The following MAP3K7 variants were observed in gnomAD, a reference collection of about 807,000 sequenced individuals.
MAP3K7 encodes the protein TGF-beta activated kinase 1.
Under a neutral mutation model 84.8 loss-of-function variants are expected in MAP3K7, and 21 were observed. The observed-to-expected ratio is 0.25, with a 90% confidence interval of 0.18 to 0.36. The LOEUF (loss-of-function observed/expected upper bound fraction) is 0.36. Ranked by LOEUF, MAP3K7 falls within the 10% of genes least tolerant of loss-of-function variation. The pLI is 1.00. For synonymous variants in MAP3K7, 241 were observed against 247.7 expected, an observed-to-expected ratio of 0.97 and a Z score of 0.25; for missense variants, 503 against 747.7, an observed-to-expected ratio of 0.67 and a Z score of 3.82.
intron 3 of MAP3K7, among the ~76,000 whole-genome samples, chr6:90,568,181 T>G (rs1181421747): frequency 6.6e-6 from 1 of 152,292 alleles, no homozygotes; most frequent in African/African-American, 2.4e-5. Context: ...ACCTGCACGT[T>G]GTGCACATGT....
intron 9 of MAP3K7, among the ~76,000 whole-genome samples, chr6:90,549,760 C>T (rs1314415308): frequency 6.6e-6 from 1 of 152,062 alleles, no homozygotes; most frequent in Non-Finnish European, 1.5e-5. Context: ...TTCAGTAAAA[C>T]TGGAATTTGA....
At position 90,549,287 on chromosome 6, in the gene MAP3K7, G is replaced by A. The variant is rs561033262; in HGVS notation, c.950-1110C>T. Among the ~76,000 whole-genome samples the A allele has an allele frequency of 1.1e-3, 172 of 152,242 alleles. 3 individuals are homozygous for A. The South Asian group carries it at 0.035, about 31-fold the overall frequency. ...CAAGATCAGCTGAGAGTGAGGAGTG[G>A]CGAGGAGGTGTTTGAAGTCTGAGGA... On this transcript the variant is annotated intron_variant, in intron 9 of 16. Transcript: ENST00000369329.
intron 1 of MAP3K7, among the ~76,000 whole-genome samples, chr6:90,585,170 T>A (rs1582254139): frequency 1.3e-5 from 2 of 152,318 alleles, no homozygotes; most frequent in East Asian, 3.9e-4. Context: ...TCAAAGGGGT[T>A]AGGAAACTTG....
intron 14 of MAP3K7, 95 bp downstream of exon 14, chr6:90,523,583 T>C: frequency 1.3e-6 from 1 of 748,976 alleles, no homozygotes; most frequent in East Asian, 2.6e-5. Context: ...AACAGTATAA[T>C]GCCTGCCTTT....
intron 2 of MAP3K7, 39 bp downstream of exon 2, chr6:90,571,658 A>C (rs1199081129): frequency 2.5e-6 from 3 of 1,196,746 alleles, no homozygotes; most frequent in African/African-American, 1.6e-5. Flanking sequence ...GAGTATCTTA[A>C]GTGCAGAACT....
chr6:90,565,910 T>A (rs552130450), intron 3 of MAP3K7, among the ~76,000 whole-genome samples: 25 of 152,272 alleles, frequency 1.6e-4, no homozygotes, highest in Admixed American at 1.6e-3. Flanking sequence ...TGGTTCAACA[T>A]ACACATATCA....
chr6:90,556,618 C>A lies in MAP3K7; in HGVS notation c.489G>T (p.Leu163=). 6.3e-7 allele frequency: 1 copy of A among 1,577,298 alleles called. No homozygotes were observed. Among genetic ancestry groups the A allele is most frequent in the Non-Finnish European group, 8.6e-7 (1 of 1,168,508 alleles). ...IHRDLKPPNL[L]LVAGGTVLKI... is the part of the protein sequence containing the mutation. ...TTAGAACTGTCCCCCCTGCAACCAG[C>A]AGTAAGCTGTTTAAAAAAAAACAAA... Residue 163 remains leucine, a synonymous_variant, in exon 6 of 17, where the codon CTG becomes CTT. Transcript: ENST00000369329.
Position 90,516,384 on chromosome 6 carries a change from G to A in MAP3K7, c.*117C>T. ...GAAAAAAATGCAGCAAATATAGGCA[G>A]TTGGCATTCAGAACACGCCAAAAAG... is the stretch of plus-strand genomic sequence containing the variant. On this transcript the variant is annotated 3_prime_UTR_variant, in exon 17 of 17. Coordinates refer to ENST00000369329, the MANE Select transcript of MAP3K7 (RefSeq NM_145331.3). The A allele has an allele frequency of 1.0e-6, 1 of 975,434 alleles. No individual in the cohort carries two copies. The highest frequency in any genetic ancestry group is 1.5e-5 in the South Asian group (1 of 68,960). The allele number at this position is 975,434 out of a possible 1,614,324, so 60.4% of individuals were successfully genotyped here. A position where few individuals can be genotyped will look rare whatever the true frequency, so the allele number is the denominator to read the frequency against.
chr6:90,534,400 T>A (rs978620236), intron 13 of MAP3K7, among the ~76,000 whole-genome samples: 1 of 152,148 alleles, frequency 6.6e-6, no homozygotes, highest in Non-Finnish European at 1.5e-5. Context: ...ATAACACAAA[T>A]AATTTTGAAA....
At chr6:90,564,733 A>G (rs1776645572) in intron 3 of MAP3K7, among the ~76,000 whole-genome samples, 1 of 152,234 alleles carries the variant, frequency 6.6e-6, no homozygotes, top group South Asian at 2.1e-4. Flanking sequence ...ATAGACATCT[A>G]TAGAACTCTC....
chr6:90,586,542 C>T (rs1777462197), intron 1 of MAP3K7, among the ~76,000 whole-genome samples: 1 of 152,174 alleles, frequency 6.6e-6, no homozygotes, highest in Non-Finnish European at 1.5e-5. Flanking sequence ...AATCCAAAAT[C>T]AAGAGTACCC....
At chr6:90,533,547 A>G (rs1003921280) in intron 13 of MAP3K7, among the ~76,000 whole-genome samples, 4 of 152,202 alleles carry the variant, frequency 2.6e-5, no homozygotes, top group African/African-American at 9.6e-5. Context: ...GTGAGGACCA[A>G]GCTGTAATTG....
chr6:90,524,786 TCAAA>T (rs969159021), intron 13 of MAP3K7, among the ~76,000 whole-genome samples: 17 of 152,238 alleles, frequency 1.1e-4, no homozygotes, highest in African/African-American at 3.9e-4. Flanking sequence ...TATAGAATTA[TCAAA>T]CAAACAAGAT....
chr6:90,583,059 T>A (rs1190146349), intron 1 of MAP3K7, among the ~76,000 whole-genome samples: 1 of 152,070 alleles, frequency 6.6e-6, no homozygotes, highest in Non-Finnish European at 1.5e-5. Context: ...ATTTTTGTAC[T>A]TTCAGTAGTG....
rs1447848307 is a variant in MAP3K7 at position 90,516,340 on chromosome 6, G to A, written c.*161C>T. 2 of 699,026 alleles carry A rather than the reference G, an allele frequency of 2.9e-6. No individual in the cohort carries two copies. The highest frequency in any genetic ancestry group is 5.4e-5 in the East Asian group (2 of 36,772). The allele number at this position is 699,026 out of a possible 1,614,324, so 43.3% of individuals were successfully genotyped here. On this transcript the variant is annotated 3_prime_UTR_variant, in exon 17 of 17. Coordinates refer to ENST00000369329, the MANE Select transcript of MAP3K7 (RefSeq NM_145331.3). ...CAGTAAAATTGTATGTCCACCATGA[G>A]AAAAGGAAAATAAACAATGAAAAAA...
At chr6:90,586,398 A>G (rs1156580749) in intron 1 of MAP3K7, among the ~76,000 whole-genome samples, 1 of 151,528 alleles carries the variant, frequency 6.6e-6, no homozygotes, top group Non-Finnish European at 1.5e-5. Context: ...AAAAAAAAAA[A>G]AAGAACATTA....
Position 90,555,278 on chromosome 6 carries a change from T to TG in MAP3K7, c.607+1221dup, listed in dbSNP as rs555553350. On this transcript the variant is annotated intron_variant, in intron 6 of 16. Transcript: ENST00000369329. ...CTTGCATTCTTTTTTTTTTTTGAGATGGAGTCTTGCTCTGTCACCCAGGCT... is the reference window on the plus strand; with the variant it reads ...CTTGCATTCTTTTTTTTTTTTGAGATGGGAGTCTTGCTCTGTCACCCAGGCT... Among the ~76,000 whole-genome samples the TG allele has an allele frequency of 9.9e-5, 15 of 152,008 alleles. No individual in the cohort carries two copies. The East Asian group carries it at 2.7e-3, about 27-fold the overall frequency.
rs1774946312 is a variant in MAP3K7, at chr6:90,515,981, A to G, written c.*520T>C. On this transcript the variant is annotated 3_prime_UTR_variant, in exon 17 of 17. Coordinates refer to ENST00000369329, the MANE Select transcript of MAP3K7 (RefSeq NM_145331.3). ...GCTGGCATCAAAGCCCTTACACGGAACTATCCCTAAAGGTTCCGTATTTCC... is the reference window on the plus strand; with the variant it reads ...GCTGGCATCAAAGCCCTTACACGGAGCTATCCCTAAAGGTTCCGTATTTCC... The G allele has an allele frequency of 6.3e-6, 1 of 157,964 alleles. No individual in the cohort carries two copies. The highest frequency in any genetic ancestry group is 2.4e-5 in the African/African-American group (1 of 41,470). The allele number at this position is 157,964 out of a possible 1,614,324, so 9.8% of individuals were successfully genotyped here.
intron 14 of MAP3K7, among the ~76,000 whole-genome samples, chr6:90,522,067 T>C (rs907298709): frequency 2.0e-5 from 3 of 152,192 alleles, no homozygotes; most frequent in Non-Finnish European, 4.4e-5. Context: ...GAATTAATTA[T>C]AAACTTAAAC....
Sources: gnomAD v4.1 joint callset for allele counts (sites outside exome capture counted in the v4.1 genomes callset) on GRCh38, gnomAD v4.1.1 for gene constraint, MANE v1.5 for transcripts, NCBI Gene and HGNC (gene_info 2026-07-23, HGNC 2026-07-21) for gene names.